The following NPHP1 variants were observed in gnomAD, a reference collection of about 807,000 sequenced individuals.
NPHP1 encodes the protein nephrocystin 1.
NPHP1 carries 70 observed loss-of-function variants against 90.4 expected under a neutral mutation model. The observed-to-expected ratio is 0.77, with a 90% CI of 0.64 to 0.95. The LOEUF is 0.95. Among genes scored for constraint, NPHP1 ranks in the 40% least tolerant of loss-of-function variants. The probability of loss-of-function intolerance (pLI) is 0.00; values close to 1 mark genes in which losing one functional copy is unlikely to be tolerated. For missense variants in NPHP1, 764 were observed against 795.9 expected (o/e 0.96, Z 0.48); for synonymous variants, 256 against 271.7 (o/e 0.94, Z 0.57).
intron 6 of NPHP1, among the ~76,000 whole-genome samples, chr2:110,167,574 G>T (rs977042064): frequency 1.3e-5 from 2 of 152,108 alleles, no homozygotes; most frequent in African/African-American, 2.4e-5. Flanking sequence ...GGCTGTTCCT[G>T]AGTTGCATCC....
intron 18 of NPHP1, chr2:110,126,534 C>T (rs1198490177): frequency 6.6e-6 from 1 of 152,518 alleles, no homozygotes. Flanking sequence ...CCTATTACCA[C>T]GTGAGGGGAC....
chr2:110,159,467 G>T (rs949595067), intron 11 of NPHP1, among the ~76,000 whole-genome samples: 1 of 151,832 alleles, frequency 6.6e-6, no homozygotes, highest in African/African-American at 2.4e-5. Context: ...TTTACCAGAG[G>T]TTATTCACAT....
At chr2:110,202,550 C>A in intron 1 of NPHP1, 1 of 373,374 alleles carries the variant, frequency 2.7e-6, no homozygotes. Flanking sequence ...TATCAAAAGG[C>A]TCCAGAGCCA....
intron 16 of NPHP1, among the ~76,000 whole-genome samples, chr2:110,141,450 C>T (rs1208639327): frequency 6.6e-6 from 1 of 151,894 alleles, no homozygotes; most frequent in East Asian, 1.9e-4. Context: ...TGTTAAATGA[C>T]TAGTCTAGGA....
intron 2 of NPHP1, chr2:110,184,695 C>T (rs1684158414): frequency 1.4e-6 from 1 of 730,408 alleles, no homozygotes; most frequent in Non-Finnish European, 2.5e-6. Flanking sequence ...GATTTCCACT[C>T]ATCCTTTGAG....
chr2:110,147,792 TTCC>T, intron 13 of NPHP1, 121 bp downstream of exon 13: 1 of 675,822 alleles, frequency 1.5e-6, no homozygotes, highest in Non-Finnish European at 2.7e-6. Context: ...GGCATTCTCA[TTCC>T]TCAAGGGATT....
intron 2 of NPHP1, among the ~76,000 whole-genome samples, chr2:110,189,321 T>A (rs1433354403): frequency 6.6e-6 from 1 of 152,042 alleles, no homozygotes; most frequent in Non-Finnish European, 1.5e-5. Context: ...CGTTCGGATG[T>A]GTTTGGAGTT....
intron 2 of NPHP1, among the ~76,000 whole-genome samples, chr2:110,193,340 AG>A (rs1198121087): frequency 3.9e-5 from 6 of 152,140 alleles, no homozygotes; most frequent in African/African-American, 1.4e-4. Flanking sequence ...AAACAAAAAA[AG>A]GCAGGGGTTG....
chr2:110,191,534 C>T (rs903229679), intron 2 of NPHP1, among the ~76,000 whole-genome samples: 3 of 152,160 alleles, frequency 2.0e-5, no homozygotes, highest in African/African-American at 4.8e-5. Flanking sequence ...TGGAGCCCAC[C>T]GCAGCTCAAG....
At position 110,159,783 on chromosome 2, in the gene NPHP1, A is replaced by G. The variant is rs116141354; in HGVS notation, c.1083+344T>C. 5.4e-3 allele frequency among the ~76,000 whole-genome samples: 827 copies of G among 151,992 alleles called. 13 individuals are homozygous for G. Among genetic ancestry groups the G allele is most frequent in the African/African-American group, 0.017 (709 of 41,514 alleles). On this transcript the variant is annotated intron_variant, in intron 11 of 19. Coordinates refer to ENST00000445609, the MANE Select transcript of NPHP1 (RefSeq NM_001128178.3). ...CTTTGGTCCATCTGTTTTCTATTTC[A>G]TTAATTTCTACTCTTATCTGTATTA...
At chr2:110,143,746 TTGAA>T (rs1228365776) in intron 15 of NPHP1, 105 bp from the exon 16 acceptor site, 11 of 808,524 alleles carry the variant, frequency 1.4e-5, no homozygotes, top group Non-Finnish European at 2.1e-5. Flanking sequence ...TAGTGCTGAA[TTGAA>T]TGAAAGGCAA....
chr2:110,153,863 A>T (rs967622532), intron 11 of NPHP1, among the ~76,000 whole-genome samples: 8 of 152,014 alleles, frequency 5.3e-5, no homozygotes, highest in Admixed American at 5.2e-4. Context: ...AGCACCTGTA[A>T]TCTCAGCTAC....
At chr2:110,125,522 G>T in intron 19 of NPHP1, 115 bp downstream of exon 19, 1 of 1,199,444 alleles carries the variant, frequency 8.3e-7, no homozygotes. Flanking sequence ...AGTTTCCCTG[G>T]TTAAGAGGGA....
chr2:110,193,975 A>G (rs538893341), intron 2 of NPHP1, among the ~76,000 whole-genome samples: 7 of 152,322 alleles, frequency 4.6e-5, no homozygotes, highest in South Asian at 2.1e-4. Context: ...CAAAGCCACA[A>G]CATACCAGAA....
chr2:110,165,711 G>A (rs940425562), intron 6 of NPHP1, among the ~76,000 whole-genome samples: 3 of 151,892 alleles, frequency 2.0e-5, no homozygotes, highest in Middle Eastern at 3.4e-3. Flanking sequence ...AAATATCTAA[G>A]GATTAATATC....
chr2:110,125,693 A>G lies in NPHP1; in HGVS notation c.1717-12T>C, dbSNP rs1574049110. Reference sequence around the variant, plus strand: ...CCAGCCCACGAACTCTAAAGAGCAAACAGAAATATTATGTTAGTCCAAGTA... The same window carrying G: ...CCAGCCCACGAACTCTAAAGAGCAAGCAGAAATATTATGTTAGTCCAAGTA... On this transcript the variant is annotated splice_polypyrimidine_tract_variant and intron_variant, in intron 18 of 19. Coordinates refer to ENST00000445609, the MANE Select transcript of NPHP1 (RefSeq NM_001128178.3). The G allele has an allele frequency of 6.2e-7, 1 of 1,611,614 alleles. No individual in the cohort carries two copies. Among genetic ancestry groups the G allele is most frequent in the East Asian group, 2.2e-5 (1 of 44,846 alleles).
In NPHP1 at chr2:110,148,036, T is replaced by C; in HGVS notation, c.1159-10A>G. Reference sequence around the variant, plus strand: ...GTAAGATGCGAGTAACCTGAAATGATAAAGAAATTAAAGTTATTGATAAAA... The same window carrying C: ...GTAAGATGCGAGTAACCTGAAATGACAAAGAAATTAAAGTTATTGATAAAA... On this transcript the variant is annotated splice_polypyrimidine_tract_variant and intron_variant, in intron 12 of 19. Transcript: ENST00000445609. 1 of 1,502,038 alleles carries C rather than the reference T, an allele frequency of 6.7e-7. No individual in the cohort carries two copies. The highest frequency in any genetic ancestry group is 9.3e-7 in the Non-Finnish European group (1 of 1,077,818). The allele number at this position is 1,502,038 out of a possible 1,614,324, so 93.0% of individuals were successfully genotyped here.
At chr2:110,159,164 T>A (rs1048656528) in intron 11 of NPHP1, among the ~76,000 whole-genome samples, 3 of 152,062 alleles carry the variant, frequency 2.0e-5, no homozygotes, top group Non-Finnish European at 4.4e-5. Flanking sequence ...TTTTATATAT[T>A]GCTAGATTCA....
intron 16 of NPHP1, among the ~76,000 whole-genome samples, chr2:110,143,205 A>T (rs1252735295): frequency 6.6e-6 from 1 of 152,132 alleles, no homozygotes; most frequent in Non-Finnish European, 1.5e-5. Context: ...AAAAAGAGTA[A>T]ATTTTACTGC....
Sources: allele counts gnomAD v4.1 joint callset (sites outside exome capture counted in the v4.1 genomes callset), GRCh38; gene constraint gnomAD v4.1.1; transcripts MANE v1.5; gene names NCBI Gene and HGNC (gene_info 2026-07-23, HGNC 2026-07-21).